The following SCOC variants were observed in gnomAD, a reference collection of about 807,000 sequenced individuals.
SCOC encodes short coiled-coil protein.
SCOC carries 7 observed loss-of-function variants against 9.9 expected under a neutral mutation model. The observed-to-expected ratio is 0.71, with a 90% CI of 0.40 to 1.33. SCOC has a LOEUF of 1.33. Among genes scored for constraint, SCOC ranks in the 40% most tolerant of loss-of-function variants. The pLI, the probability that SCOC is intolerant of heterozygous loss-of-function variation, is 0.01. For missense variants in SCOC, 66 were observed against 89.7 expected, an observed-to-expected ratio of 0.74 and a Z score of 1.07; for synonymous variants, 19 against 28.2, an observed-to-expected ratio of 0.67 and a Z score of 1.03.
In SCOC at chr4:140,297,293, T is replaced by C. The variant is rs79519496; in HGVS notation, c.-19+39883T>C. Among the ~76,000 whole-genome samples, 960 of 151,584 alleles carry C rather than the reference T, an allele frequency of 6.3e-3. 9 individuals carry two copies. The highest frequency in any genetic ancestry group is 0.01 in the Admixed American group (156 of 15,228). On this transcript the variant is annotated intron_variant, in intron 1 of 4. Coordinates refer to the SCOC transcript ENST00000394205. ...GTGGGGGGGGGGGCACTGTTGTCAG[T>C]ATCTGCTGCCGGAGCCCACGCAGCA...
At chr4:140,365,833 A>C (rs1466427714) in intron 2 of SCOC, among the ~76,000 whole-genome samples, 2 of 152,226 alleles carry the variant, frequency 1.3e-5, no homozygotes, top group Admixed American at 1.3e-4. Context: ...TATATACAAA[A>C]TATGTGTTAA....
chr4:140,375,743 T>C (rs1475774438), intron 1 of SCOC, among the ~76,000 whole-genome samples: 1 of 152,220 alleles, frequency 6.6e-6, no homozygotes, highest in African/African-American at 2.4e-5. Flanking sequence ...AAAAAAGTAA[T>C]TCTAGATTCC....
At chr4:140,338,041 A>C (rs1043355684) in intron 1 of SCOC, among the ~76,000 whole-genome samples, 1 of 152,206 alleles carries the variant, frequency 6.6e-6, no homozygotes, top group African/African-American at 2.4e-5. Flanking sequence ...TCGATGCAAA[A>C]ATCCTCAATA....
At chr4:140,314,863 C>T (rs1732267125) in intron 1 of SCOC, among the ~76,000 whole-genome samples, 1 of 151,236 alleles carries the variant, frequency 6.6e-6, no homozygotes, top group African/African-American at 2.4e-5. Flanking sequence ...AACTCCACCC[C>T]CCCACCAAGT....
intron 2 of SCOC, among the ~76,000 whole-genome samples, chr4:140,362,299 C>CTTTTTTTT (rs1183789218): frequency 4.7e-4 from 18 of 38,338 alleles, no homozygotes; most frequent in Non-Finnish European, 8.8e-4. Flanking sequence ...TCTTCTTCTT[C>CTTTTTTTT]TTTTTTTTTT....
rs557566958 is a variant in SCOC at position 140,304,332 on chromosome 4, G to GA, written c.-18-39288dup. Among the ~76,000 whole-genome samples, 329 of 152,216 alleles carry GA rather than the reference G, an allele frequency of 2.2e-3. 1 individual carries two copies. Among genetic ancestry groups the GA allele is most frequent in the Admixed American group, 4.0e-3 (61 of 15,280 alleles). On this transcript the variant is annotated intron_variant, in intron 1 of 4. Coordinates refer to the SCOC transcript ENST00000394205. ...GGTAGCAGGTAGGAGGTCGGGGAGAGATATGGAGATATTGCCACTGATTCT... is the reference window on the plus strand; with the variant it reads ...GGTAGCAGGTAGGAGGTCGGGGAGAGAATATGGAGATATTGCCACTGATTCT...
At chr4:140,364,409 T>A (rs1727697851) in intron 2 of SCOC, among the ~76,000 whole-genome samples, 1 of 151,884 alleles carries the variant, frequency 6.6e-6, no homozygotes, top group African/African-American at 2.4e-5. Context: ...ATTAAGAAAA[T>A]CATTGAGGAG....
intron 1 of SCOC, among the ~76,000 whole-genome samples, chr4:140,299,184 A>T (rs142975370): frequency 3.6e-4 from 55 of 152,276 alleles, no homozygotes; most frequent in African/African-American, 1.3e-3. Context: ...TACGTGAGAA[A>T]TTTTAATGTA....
intron 2 of SCOC, chr4:140,362,779 A>G (rs986362454): frequency 2.0e-5 from 3 of 152,190 alleles, no homozygotes; most frequent in Admixed American, 6.5e-5. Flanking sequence ...ATATCCAACC[A>G]ACATTTTCTG....
chr4:140,377,316 A>C (rs1223725324), intron 1 of SCOC, among the ~76,000 whole-genome samples: 2 of 152,208 alleles, frequency 1.3e-5, no homozygotes, highest in Non-Finnish European at 1.5e-5. Context: ...GTCTTTAAAT[A>C]CTACAGTAGG....
In SCOC at chr4:140,361,516, C is replaced by T. The variant is rs1316732901; in HGVS notation, c.71-17605C>T. Among the ~76,000 whole-genome samples, 6 of 151,958 alleles carry T rather than the reference C, an allele frequency of 3.9e-5. No homozygotes were observed. In the South Asian group the frequency reaches 6.2e-4, roughly 16 times the overall value. ...TCATCTCTACAAGAAATAAGATTAG[C>T]GAGGCATGGTTCTGTGCCTGTAGTC... is the stretch of plus-strand genomic sequence containing the variant. On this transcript the variant is annotated intron_variant, in intron 2 of 4. Transcript: ENST00000338517.
intron 1 of SCOC, among the ~76,000 whole-genome samples, chr4:140,292,434 C>T (rs1731504242): frequency 6.6e-6 from 1 of 152,120 alleles, no homozygotes; most frequent in Non-Finnish European, 1.5e-5. Flanking sequence ...AGTGATCCAC[C>T]CACCTTGGAC....
intron 1 of SCOC, among the ~76,000 whole-genome samples, chr4:140,318,983 T>C (rs1211069610): frequency 1.3e-5 from 2 of 152,200 alleles, no homozygotes; most frequent in African/African-American, 4.8e-5. Flanking sequence ...AAGCCTTCTA[T>C]TCCTCCAGTT....
intron 2 of SCOC, chr4:140,366,225 C>T: frequency 3.1e-5 from 22 of 720,996 alleles, no homozygotes; most frequent in South Asian, 2.8e-4. Context: ...TATTACTTTT[C>T]TAATCACCTC....
intron 1 of SCOC, among the ~76,000 whole-genome samples, chr4:140,309,261 G>A (rs143261095): frequency 1.7e-4 from 26 of 152,346 alleles, no homozygotes; most frequent in African/African-American, 5.3e-4. Context: ...GACTTTCCAT[G>A]ACCCTGTGCC....
intron 1 of SCOC, among the ~76,000 whole-genome samples, chr4:140,326,530 T>C (rs1179219834): frequency 6.6e-6 from 1 of 152,156 alleles, no homozygotes; most frequent in Non-Finnish European, 1.5e-5. Context: ...TTCACTTGTG[T>C]CCACTGTGGT....
chr4:140,354,789 C>T (rs757041498), intron 2 of SCOC, among the ~76,000 whole-genome samples: 1 of 151,582 alleles, frequency 6.6e-6, no homozygotes, highest in Non-Finnish European at 1.5e-5. Flanking sequence ...AAATGTCATT[C>T]TAGTTTTCCT....
chr4:140,370,280 GGA>G (rs1412053718), upstream of SCOC, among the ~76,000 whole-genome samples: 1 of 152,094 alleles, frequency 6.6e-6, no homozygotes. Context: ...GATACACAGT[GGA>G]GTCTATTTTG....
chr4:140,369,250 A>G, upstream of SCOC: 1 of 448,710 alleles, frequency 2.2e-6, no homozygotes, highest in South Asian at 1.6e-5. Context: ...AGGCTGTAGT[A>G]TACAATTACG....
Sources: allele counts gnomAD v4.1 joint callset (sites outside exome capture counted in the v4.1 genomes callset), GRCh38; gene constraint gnomAD v4.1.1; transcripts MANE v1.5; gene names NCBI Gene and HGNC (gene_info 2026-07-23, HGNC 2026-07-21).